The following FAM153A variants were observed in gnomAD, a reference collection of about 807,000 sequenced individuals.
The protein encoded by FAM153A is protein FAM153A.
A neutral mutation model predicts 48.1 loss-of-function variants in FAM153A; 12 were observed. The ratio of observed to expected loss-of-function variants is 0.25; its 90% confidence interval spans 0.16 to 0.40. The LOEUF (loss-of-function observed/expected upper bound fraction) is 0.40, where lower values mean the gene tolerates loss of function less well. Among genes scored for constraint, FAM153A ranks in the 10% least tolerant of loss-of-function variants. The pLI is 1.00. For synonymous variants in FAM153A, 36 were observed against 118.2 expected, an observed-to-expected ratio of 0.30 and a Z score of 4.51; for missense variants, 111 against 345.8, an observed-to-expected ratio of 0.32 and a Z score of 5.38.
At chr5:177,695,468 AG>A in the FAM153A span, among the ~76,000 whole-genome samples, 1 of 152,016 alleles carries the variant, frequency 6.6e-6, no homozygotes, top group Non-Finnish European at 1.5e-5. Flanking sequence ...ACACTTAACG[AG>A]CATGCTGCCT....
chr5:177,715,328 A>G (rs1759482224), intron 25 of FAM153A, among the ~76,000 whole-genome samples: 1 of 147,024 alleles, frequency 6.8e-6, no homozygotes, highest in South Asian at 2.2e-4. Context: ...AAAGATGTAA[A>G]TTTGCTTAAT....
intron 6 of FAM153A, among the ~76,000 whole-genome samples, chr5:177,743,194 T>TG (rs1218941924): frequency 6.7e-4 from 33 of 49,236 alleles, no homozygotes; most frequent in Middle Eastern, 0.01. Context: ...TCACTTGTTT[T>TG]TTTTTTGTTT....
chr5:177,738,879 C>T (rs193193914), intron 10 of FAM153A, among the ~76,000 whole-genome samples: 11 of 151,560 alleles, frequency 7.3e-5, no homozygotes, highest in Admixed American at 3.3e-4. Flanking sequence ...TTCTTATACC[C>T]GCCCCCCACC....
chr5:177,758,007 T>G (rs1299913863), upstream of FAM153A, among the ~76,000 whole-genome samples: 3 of 151,924 alleles, frequency 2.0e-5, no homozygotes, highest in East Asian at 1.9e-4. Context: ...ATAAAGGGTA[T>G]TCAATTAGGA....
At chr5:177,712,199 C>G (rs190896057) in exon 27 of FAM153A, 5 of 151,866 alleles carry the variant, frequency 3.3e-5, no homozygotes, top group Admixed American at 2.6e-4. Flanking sequence ...CAGCCAGTTG[C>G]GGTGGCTCGT....
At chr5:177,701,911 CT>C in the FAM153A span, among the ~76,000 whole-genome samples, 124,755 of 144,544 alleles carry the variant, frequency 0.86, 54,602 homozygotes, top group East Asian at 0.97. Context: ...GCAAAGGTCA[CT>C]TTTTTTTTTT....
the FAM153A span, among the ~76,000 whole-genome samples, chr5:177,699,146 T>C: frequency 2.6e-5 from 4 of 151,666 alleles, no homozygotes; most frequent in African/African-American, 4.9e-5. Context: ...CTAAGTACCA[T>C]AGCAATTTAA....
chr5:177,756,241 G>T (rs1252541450), upstream of FAM153A, among the ~76,000 whole-genome samples: 1 of 148,756 alleles, frequency 6.7e-6, no homozygotes, highest in Non-Finnish European at 1.5e-5. Context: ...GACAAAGAAG[G>T]CCATTACATA....
intron 24 of FAM153A, among the ~76,000 whole-genome samples, chr5:177,716,755 C>A (rs1582178114): frequency 6.6e-6 from 1 of 151,870 alleles, no homozygotes; most frequent in East Asian, 1.9e-4. Context: ...TATCAACTAT[C>A]ACATAACACA....
chr5:177,706,196 TG>T (rs201974369), downstream of FAM153A, among the ~76,000 whole-genome samples: 5 of 151,080 alleles, frequency 3.3e-5, no homozygotes, highest in South Asian at 2.1e-4. Context: ...ATGTTTTTTT[TG>T]TTGTTGTTGT....
exon 21 of FAM153A, chr5:177,724,080 C>T (rs1433041349): frequency 6.2e-7 from 1 of 1,610,874 alleles, no homozygotes; most frequent in South Asian, 1.1e-5. Context: ...GGAGCATGTT[C>T]TCAGGGCATC....
chr5:177,709,868 C>T (rs554091737), downstream of FAM153A, among the ~76,000 whole-genome samples: 130 of 120,666 alleles, frequency 1.1e-3, no homozygotes, highest in Admixed American at 1.7e-3. Context: ...TCGCCATGTT[C>T]GGCAGGCTGG....
At chr5:177,707,623 CTT>C (rs147632275), downstream of FAM153A, among the ~76,000 whole-genome samples, 1 of 150,110 alleles carries the variant, frequency 6.7e-6, no homozygotes, top group East Asian at 1.9e-4. Flanking sequence ...GATTAAATAA[CTT>C]TTTTTTTTGA....
chr5:177,755,085 G>GA (rs1767576486), upstream of FAM153A, among the ~76,000 whole-genome samples: 1 of 151,662 alleles, frequency 6.6e-6, no homozygotes, highest in East Asian at 1.9e-4. Context: ...TAAAAACCTT[G>GA]AAAAAAGATT....
Position 177,740,926 on chromosome 5 carries a change from A to G in FAM153A, c.442-125T>C. 2 of 515,942 alleles carry G rather than the reference A, an allele frequency of 3.9e-6. 1 individual carries two copies. Among genetic ancestry groups the G allele is most frequent in the Non-Finnish European group, 6.3e-6 (2 of 317,326 alleles). The allele number at this position is 515,942 out of a possible 1,614,324, so 32.0% of individuals were successfully genotyped here. On this transcript the variant is annotated intron_variant, in intron 7 of 20. Transcript: ENST00000614127. ...GGAAATAGTGAAAATAGTCAACACA[A>G]GGGCTCCAAATTAAAGCCTAGAGGG...
At chr5:177,755,266 G>A (rs56082409), upstream of FAM153A, among the ~76,000 whole-genome samples, 64,811 of 151,432 alleles carry the variant, frequency 0.43, 14,477 homozygotes, top group East Asian at 0.56. Flanking sequence ...GAAATGAAGC[G>A]AGAAGAGAAG....
chr5:177,724,279 C>G lies in FAM153A; in HGVS notation c.1070+16G>C. 6.5e-7 allele frequency: 1 copy of G among 1,547,498 alleles called. No homozygotes were observed. Among genetic ancestry groups the G allele is most frequent in the Non-Finnish European group, 8.8e-7 (1 of 1,133,880 alleles). On this transcript the variant is annotated intron_variant, in intron 20 of 20. Coordinates refer to ENST00000614127, the Ensembl canonical transcript of FAM153A. ...CGTGCCCACTTCCCTCATCATTCTG[C>G]CCACTGCACACTCACACTTCCTCTT...
At chr5:177,764,101 C>T (rs1326458224) in intron 1 of FAM153A, among the ~76,000 whole-genome samples, 3 of 144,024 alleles carry the variant, frequency 2.1e-5, no homozygotes, top group South Asian at 2.3e-4. Flanking sequence ...GCACCGGGGA[C>T]GATTGCCCTG....
At chr5:177,736,949 G>A in intron 11 of FAM153A, 93 bp downstream of exon 13, 3 of 1,119,842 alleles carry the variant, frequency 2.7e-6, no homozygotes, top group South Asian at 3.2e-5. Context: ...CACCTATAGT[G>A]TACATGGTGA....
Sources: allele counts gnomAD v4.1 joint callset (sites outside exome capture counted in the v4.1 genomes callset), GRCh38; gene constraint gnomAD v4.1.1; transcripts MANE v1.5; gene names NCBI Gene and HGNC (gene_info 2026-07-23, HGNC 2026-07-21).